The following ZFAND1 variants were observed in gnomAD, a reference collection of about 807,000 sequenced individuals.
The protein encoded by ZFAND1 is AN1-type zinc finger protein 1.
In ZFAND1, 40 loss-of-function variants were observed where a neutral mutation model predicts 38.5. That is an observed-to-expected ratio of 1.04 (90% CI 0.81 to 1.35). The LOEUF (loss-of-function observed/expected upper bound fraction) is 1.35. ZFAND1 is among the 40% of genes most tolerant of loss of function. The pLI, the probability that ZFAND1 is intolerant of heterozygous loss-of-function variation, is 0.00. For missense variants in ZFAND1, 346 were observed against 316.3 expected, an observed-to-expected ratio of 1.09 and a Z score of -0.71; for synonymous variants, 117 against 103.6, an observed-to-expected ratio of 1.13 and a Z score of -0.78.
chr8:81,709,143 G>A (rs1808063538), intron 6 of ZFAND1, among the ~76,000 whole-genome samples: 3 of 152,058 alleles, frequency 2.0e-5, no homozygotes, highest in African/African-American at 4.8e-5. Context: ...GACAAAATAA[G>A]CCACAGTACA....
chr8:81,710,002 C>T (rs1347934380), intron 6 of ZFAND1, among the ~76,000 whole-genome samples: 3 of 152,176 alleles, frequency 2.0e-5, no homozygotes, highest in Non-Finnish European at 4.4e-5. Flanking sequence ...GTAAGTATTA[C>T]TGAATACTTG....
rs1440913433 is a variant in ZFAND1 at position 81,721,251 on chromosome 8, G to C, written c.31C>G (p.Gln11Glu). 3 of 1,549,210 alleles carry C rather than the reference G, an allele frequency of 1.9e-6. No homozygotes were observed. Among genetic ancestry groups the C allele is most frequent in the Non-Finnish European group, 2.6e-6 (3 of 1,147,212 alleles). Residue 11 changes from glutamine to glutamate, a missense_variant, in exon 1 of 8, where the codon CAG becomes GAG. Gln to Glu is a conservative substitution (Grantham distance 29). Transcript: ENST00000220669. ...CCTCGCTGCCGGCAATGCTCCACCT[G>C]GCAGTGCTGCCCGATGTCCAACTCC... Reference protein sequence around the residue: MAELDIGQHCQVEHCRQRDFL... With the variant: MAELDIGQHCEVEHCRQRDFL...
chr8:81,717,159 G>T, intron 3 of ZFAND1, 90 bp downstream of exon 3: 1 of 1,106,380 alleles, frequency 9.0e-7, no homozygotes, highest in Non-Finnish European at 1.3e-6. Context: ...TTTAATCTGT[G>T]ATACTGACTG....
At chr8:81,705,137 C>A (rs941387190) in intron 6 of ZFAND1, among the ~76,000 whole-genome samples, 1 of 152,050 alleles carries the variant, frequency 6.6e-6, no homozygotes, top group South Asian at 2.1e-4. Context: ...GCTCCCTGCT[C>A]GGAAGCAGAG....
Position 81,703,083 on chromosome 8 carries a change from G to C in ZFAND1, c.522C>G (p.Ser174Arg). Residue 174 changes from serine (S) to arginine (R), a missense_variant, in exon 7 of 8, where the codon AGC (serine) becomes AGG (arginine). Physicochemically the swap from Ser to Arg is moderately radical, Grantham distance 110. Coordinates refer to ENST00000220669, the MANE Select transcript of ZFAND1 (RefSeq NM_024699.3). The part of the protein sequence containing the change: ...IYFQVFLPKG[S>R]KEKSKPMFFC... Reference sequence around the variant, plus strand: ...AGAACATTGGTTTGCTCTTCTCTTTGCTCCCTTTAGGTAAGAAAACCTGAA... The same window carrying C: ...AGAACATTGGTTTGCTCTTCTCTTTCCTCCCTTTAGGTAAGAAAACCTGAA... The C allele has an allele frequency of 1.9e-6, 3 of 1,567,040 alleles. No individual in the cohort carries two copies. The South Asian group carries it at 3.5e-5, about 19-fold the overall frequency.
At chr8:81,717,186 A>T (rs925054192) in intron 3 of ZFAND1, 63 bp downstream of exon 3, 7 of 1,404,370 alleles carry the variant, frequency 5.0e-6, no homozygotes, top group Non-Finnish European at 6.7e-6. Context: ...AATCTAATCA[A>T]ATTCTGAATG....
At position 81,721,254 on chromosome 8, in the gene ZFAND1, A is replaced by C; in HGVS notation, c.28T>G (p.Cys10Gly). The C allele has an allele frequency of 6.5e-7, 1 of 1,549,386 alleles. No homozygotes were observed. The change falls in exon 1 of 8, where the codon TGC (cysteine) becomes GGC (glycine). Residue 10 changes from cysteine to glycine, a missense_variant. By Grantham distance (159) the Cys-to-Gly change is radical. Coordinates refer to ENST00000220669, the MANE Select transcript of ZFAND1 (RefSeq NM_024699.3). MAELDIGQH[C>G]QVEHCRQRDF... Reference sequence around the variant, plus strand: ...CGCTGCCGGCAATGCTCCACCTGGCAGTGCTGCCCGATGTCCAACTCCGCC... The same window carrying C: ...CGCTGCCGGCAATGCTCCACCTGGCCGTGCTGCCCGATGTCCAACTCCGCC...
At chr8:81,721,196 C>CGGGGATG in intron 1 of ZFAND1, 31 bp downstream of exon 1, 2 of 1,545,762 alleles carry the variant, frequency 1.3e-6, no homozygotes, top group Non-Finnish European at 1.7e-6. Flanking sequence ...CTCCCGCGGC[C>CGGGGATG]GGGGATGGGG....
chr8:81,708,360 T>C (rs1373221912), intron 6 of ZFAND1, among the ~76,000 whole-genome samples: 2 of 148,546 alleles, frequency 1.3e-5, no homozygotes, highest in East Asian at 3.9e-4. Context: ...AAAATGTAAA[T>C]GTAAAATATT....
intron 2 of ZFAND1, among the ~76,000 whole-genome samples, chr8:81,717,820 G>A (rs1808361149): frequency 6.6e-6 from 1 of 151,982 alleles, no homozygotes; most frequent in Non-Finnish European, 1.5e-5. Context: ...GTAGTCAAAT[G>A]CTGTGATTCC....
At chr8:81,719,524 C>G (rs184608715) in intron 1 of ZFAND1, among the ~76,000 whole-genome samples, 1 of 151,992 alleles carries the variant, frequency 6.6e-6, no homozygotes, top group East Asian at 1.9e-4. Flanking sequence ...AACAAACAAA[C>G]AAACAAAAAA....
chr8:81,712,926 T>C (rs1808180606), intron 6 of ZFAND1, among the ~76,000 whole-genome samples: 1 of 152,000 alleles, frequency 6.6e-6, no homozygotes, highest in African/African-American at 2.4e-5. Flanking sequence ...AAGAGACAAA[T>C]GAGTACAATC....
intron 1 of ZFAND1, among the ~76,000 whole-genome samples, chr8:81,719,310 AAC>A (rs71268018): frequency 0.047 from 5,896 of 124,816 alleles, 275 homozygotes; most frequent in East Asian, 0.29. Flanking sequence ...CTCTACTGAA[AAC>A]ACACACACAC....
In ZFAND1 at chr8:81,718,244, T is replaced by C. The variant is rs753304618; in HGVS notation, c.56-20A>G. 7 of 1,544,466 alleles carry C rather than the reference T, an allele frequency of 4.5e-6. No individual in the cohort carries two copies. Among genetic ancestry groups the C allele is most frequent in the Non-Finnish European group, 6.1e-6 (7 of 1,140,736 alleles). On this transcript the variant is annotated intron_variant, in intron 1 of 7. Coordinates refer to ENST00000220669, the MANE Select transcript of ZFAND1 (RefSeq NM_024699.3). ...GAAAATCTAAAATTGAGAGAAAATG[T>C]ATATACTGGTCAGTATCTGATTTTG...
intron 6 of ZFAND1, among the ~76,000 whole-genome samples, 158 bp from the exon 7 acceptor site, chr8:81,703,282 T>C (rs1299601620): frequency 1.3e-5 from 2 of 152,114 alleles, no homozygotes; most frequent in Non-Finnish European, 2.9e-5. Context: ...AAAACACACA[T>C]AAATGCATGG....
chr8:81,714,911 G>C lies in ZFAND1; in HGVS notation c.267-16C>G. On this transcript the variant is annotated splice_polypyrimidine_tract_variant and intron_variant, in intron 4 of 7. Transcript: ENST00000220669. ...ATGACGGTGTCTATGAGCAACAGAAGAGTGACACTAGTTCATGTGTTTGTA... is the reference window on the plus strand; with the variant it reads ...ATGACGGTGTCTATGAGCAACAGAACAGTGACACTAGTTCATGTGTTTGTA... 1.9e-6 allele frequency: 3 copies of C among 1,613,998 alleles called. No homozygotes were observed. Among genetic ancestry groups the C allele is most frequent in the Non-Finnish European group, 2.5e-6 (3 of 1,179,892 alleles).
At chr8:81,711,977 T>C (rs1016717092) in intron 6 of ZFAND1, among the ~76,000 whole-genome samples, 2 of 152,180 alleles carry the variant, frequency 1.3e-5, no homozygotes, top group African/African-American at 4.8e-5. Flanking sequence ...AAGCATAATC[T>C]TGCTATTAAT....
chr8:81,720,846 G>C (rs1808450699), intron 1 of ZFAND1: 1 of 355,182 alleles, frequency 2.8e-6, no homozygotes, highest in Non-Finnish European at 5.2e-6. Context: ...AATGAACACT[G>C]CAAGGTACGT....
At chr8:81,703,730 A>AT (rs1807882084) in intron 6 of ZFAND1, among the ~76,000 whole-genome samples, 2 of 151,892 alleles carry the variant, frequency 1.3e-5, no homozygotes. Context: ...GCCTCTCCTT[A>AT]TTTTTTTAAG....
Sources: gnomAD v4.1 joint callset for allele counts (sites outside exome capture counted in the v4.1 genomes callset) on GRCh38, gnomAD v4.1.1 for gene constraint, MANE v1.5 for transcripts, NCBI Gene and HGNC (gene_info 2026-07-23, HGNC 2026-07-21) for gene names.